Variants in POMT2 observed in about 807,000 individuals in gnomAD.
POMT2 encodes the protein protein O-mannosyl-transferase 2.
In POMT2, 75 loss-of-function variants were observed where a neutral mutation model predicts 100.0. The observed-to-expected ratio is 0.75, with a 90% confidence interval of 0.62 to 0.91. POMT2 has a LOEUF of 0.91. Ranked by LOEUF, POMT2 falls within the 40% of genes least tolerant of loss-of-function variation. The pLI, the probability that POMT2 is intolerant of heterozygous loss-of-function variation, is 0.00. For missense variants in POMT2, 940 were observed against 955.1 expected (o/e 0.98, Z 0.21); for synonymous variants, 378 against 374.1 (o/e 1.01, Z -0.12).
chr14:77,300,679 G>T, intron 6 of POMT2: 1 of 254,572 alleles, frequency 3.9e-6, no homozygotes, highest in East Asian at 1.1e-4. Flanking sequence ...AATTAGCTGG[G>T]CATGGTGGTA....
rs766985040 is a variant in POMT2, at chr14:77,277,358, G to A, written c.*18C>T. On this transcript the variant is annotated 3_prime_UTR_variant, in exon 21 of 21. Transcript: ENST00000261534. ...CCTGGGAAGTTCCTGGACCCAGGCT[G>A]GAATCTTTGCAGTGGCCTCAAAAGT... 1.9e-6 allele frequency: 3 copies of A among 1,588,326 alleles called. No individual in the cohort carries two copies. Among genetic ancestry groups the A allele is most frequent in the Non-Finnish European group, 2.6e-6 (3 of 1,156,756 alleles).
intron 15 of POMT2, among the ~76,000 whole-genome samples, chr14:77,282,403 C>A (rs908067666): frequency 3.2e-4 from 48 of 152,146 alleles, no homozygotes; most frequent in African/African-American, 8.9e-4. Context: ...GCGGAAGAGC[C>A]CTGCCCCTGC....
intron 15 of POMT2, 144 bp downstream of exon 15, chr14:77,283,653 G>C (rs1890307865): frequency 2.6e-6 from 2 of 783,022 alleles, no homozygotes; most frequent in Non-Finnish European, 2.2e-6. Context: ...ATGCCTTTGA[G>C]GATCACAGAA....
chr14:77,298,321 C>T (rs966715559), intron 8 of POMT2, among the ~76,000 whole-genome samples: 3 of 152,232 alleles, frequency 2.0e-5, no homozygotes, highest in Non-Finnish European at 4.4e-5. Flanking sequence ...GGTGAGCACG[C>T]GCTCCACTAC....
chr14:77,296,978 C>G (rs996217942), intron 8 of POMT2, among the ~76,000 whole-genome samples: 1 of 152,254 alleles, frequency 6.6e-6, no homozygotes, highest in African/African-American at 2.4e-5. Flanking sequence ...AGGAAGATGG[C>G]TTCACACACT....
At position 77,280,453 on chromosome 14, in the gene POMT2, C is replaced by A; in HGVS notation, c.1664G>T (p.Gly555Val). The A allele has an allele frequency of 6.2e-7, 1 of 1,614,210 alleles. No individual in the cohort carries two copies. The highest frequency in any genetic ancestry group is 8.5e-7 in the Non-Finnish European group (1 of 1,180,038). ...GAACTCATTGTCCTTGGGTTTGAGG[C>A]CACTGTTCCCCTGCATGAAGGTAGC... ...SHMVMIRGNS[G>V]LKPKDNEFTS... The change falls in exon 16 of 21, where the codon GGC (glycine) becomes GTC (valine). Residue 555 changes from glycine (G) to valine (V), a missense_variant. Physicochemically the swap from Gly to Val is moderately radical, Grantham distance 109 (BLOSUM62 -3). Coordinates refer to ENST00000261534, the MANE Select transcript of POMT2 (RefSeq NM_013382.7).
intron 6 of POMT2, chr14:77,300,269 C>G (rs1566655610): frequency 6.4e-6 from 1 of 156,558 alleles, no homozygotes; most frequent in Non-Finnish European, 1.4e-5. Context: ...CCAACCTAAC[C>G]TGGTTGTGAC....
At chr14:77,302,597 T>C (rs1161323077) in intron 5 of POMT2, among the ~76,000 whole-genome samples, 1 of 152,160 alleles carries the variant, frequency 6.6e-6, no homozygotes, top group East Asian at 1.9e-4. Context: ...AAAAGACAAC[T>C]GACATTTTCT....
At chr14:77,320,264 C>T (rs1891812170) in intron 1 of POMT2, 170 bp downstream of exon 1, 2 of 1,127,944 alleles carry the variant, frequency 1.8e-6, no homozygotes, top group Non-Finnish European at 2.5e-6. Context: ...AAACGATCCC[C>T]CTCCCAGAGA....
At chr14:77,302,747 T>G (rs538634306) in intron 5 of POMT2, 88 bp downstream of exon 5, 1 of 1,093,348 alleles carries the variant, frequency 9.1e-7, no homozygotes, top group Non-Finnish European at 1.4e-6. Context: ...GACAAGTCTC[T>G]GGGCACCCGC....
chr14:77,285,662 A>C, intron 12 of POMT2, 30 bp from the exon 13 acceptor site: 1 of 1,599,886 alleles, frequency 6.3e-7, no homozygotes, highest in South Asian at 1.1e-5. Flanking sequence ...AAAAATACAA[A>C]GAAAGTGAGG....
intron 15 of POMT2, among the ~76,000 whole-genome samples, chr14:77,282,872 T>C (rs1052311002): frequency 7.9e-5 from 12 of 152,182 alleles, no homozygotes; most frequent in Non-Finnish European, 1.6e-4. Context: ...TGCAATGCTG[T>C]GGGTAGAGTG....
chr14:77,278,811 A>C lies in POMT2; in HGVS notation c.1950T>G (p.His650Gln). 1 of 1,613,564 alleles carries C rather than the reference A, an allele frequency of 6.2e-7. No individual in the cohort carries two copies. Among genetic ancestry groups the C allele is most frequent in the East Asian group, 2.2e-5 (1 of 44,886 alleles). Residue 650 changes from histidine (H) to glutamine (Q), a missense_variant, in exon 19 of 21, where the codon CAT becomes CAG. By Grantham distance (24) the His-to-Gln change is conservative (BLOSUM62 0). Coordinates refer to ENST00000261534, the MANE Select transcript of POMT2 (RefSeq NM_013382.7). ...GGQVLLGWTL[H>Q]YFPFFLMGRV... is the part of the protein sequence containing the mutation. ...GGCCCATCAGGAAAAACGGGAAGTA[A>C]TGGAGTGTCCAGCCGAGCAGGACCT...
intron 20 of POMT2, 126 bp from the exon 21 acceptor site, chr14:77,277,607 G>A (rs969522568): frequency 1.1e-5 from 9 of 791,064 alleles, no homozygotes; most frequent in African/African-American, 5.1e-5. Flanking sequence ...TCTCTTTCAC[G>A]GCCTTGTCTG....
chr14:77,285,648 A>C lies in POMT2; in HGVS notation c.1333-16T>G. On this transcript the variant is annotated splice_polypyrimidine_tract_variant and intron_variant, in intron 12 of 20. Transcript: ENST00000261534. The stretch of plus-strand genomic sequence containing the variant: ...CTGTTCCATTCTGCCATAAAAGCCA[A>C]GAAAAAAATACAAAGAAAGTGAGGG... 6 of 1,609,096 alleles carry C rather than the reference A, an allele frequency of 3.7e-6. No homozygotes were observed. The highest frequency in any genetic ancestry group is 5.1e-6 in the Non-Finnish European group (6 of 1,175,440).
intron 15 of POMT2, 137 bp from the exon 16 acceptor site, chr14:77,280,600 A>G: frequency 1.3e-6 from 2 of 1,523,146 alleles, no homozygotes; most frequent in South Asian, 2.3e-5. Flanking sequence ...GCAGGGAAGA[A>G]TCAGGCAGCT....
At chr14:77,283,679 G>A in intron 15 of POMT2, 118 bp downstream of exon 15, 1 of 912,740 alleles carries the variant, frequency 1.1e-6, no homozygotes, top group Admixed American at 1.7e-5. Flanking sequence ...TAGTAAAGAT[G>A]CTTTCAAATT....
At chr14:77,286,681 A>C in intron 12 of POMT2, 63 bp downstream of exon 12, 1 of 1,605,200 alleles carries the variant, frequency 6.2e-7, no homozygotes, top group Non-Finnish European at 8.5e-7. Flanking sequence ...ATATCCCACC[A>C]CACAGCCCTG....
At chr14:77,280,176 G>C in intron 16 of POMT2, 96 bp from the exon 17 acceptor site, 2 of 1,601,352 alleles carry the variant, frequency 1.2e-6, no homozygotes, top group Non-Finnish European at 1.7e-6. Context: ...CAGACAGGGA[G>C]CCTGGACACG....
Sources: allele counts gnomAD v4.1 joint callset (sites outside exome capture counted in the v4.1 genomes callset), GRCh38; gene constraint gnomAD v4.1.1; transcripts MANE v1.5; gene names NCBI Gene and HGNC (gene_info 2026-07-23, HGNC 2026-07-21).